GRIN2A: variants seen among roughly 807,000 people sequenced by gnomAD.
GRIN2A encodes glutamate receptor ionotropic, NMDA 2A.
A neutral mutation model predicts 113.4 loss-of-function variants in GRIN2A; 22 were observed. That is an observed-to-expected ratio of 0.19 (90% CI 0.14 to 0.28). The LOEUF (loss-of-function observed/expected upper bound fraction) is 0.28. GRIN2A is among the 10% of genes least tolerant of loss of function. The pLI is 1.00. For missense variants in GRIN2A, 1,502 were observed against 1,887.0 expected (o/e 0.80, Z 3.78); for synonymous variants, 827 against 738.4 (o/e 1.12, Z -1.94).
At chr16:9,781,552 G>T (rs1901936455) in intron 11 of GRIN2A, among the ~76,000 whole-genome samples, 1 of 151,944 alleles carries the variant, frequency 6.6e-6, no homozygotes, top group South Asian at 2.1e-4. Flanking sequence ...GTAGAGATGG[G>T]GTCTCACCAT....
intron 3 of GRIN2A, chr16:9,937,711 G>A (rs907351817): frequency 7.6e-6 from 4 of 529,610 alleles, no homozygotes; most frequent in Non-Finnish European, 1.4e-5. Context: ...TCAATCCCAG[G>A]TGTAGGTTTC....
chr16:9,795,433 A>G (rs1902920097), intron 11 of GRIN2A, among the ~76,000 whole-genome samples: 1 of 152,214 alleles, frequency 6.6e-6, no homozygotes, highest in South Asian at 2.1e-4. Context: ...CATATCATCA[A>G]GAAATAACCC....
At chr16:10,064,985 C>G (rs7192622) in intron 2 of GRIN2A, among the ~76,000 whole-genome samples, 21,276 of 152,108 alleles carry the variant, frequency 0.14, 2,064 homozygotes, top group African/African-American at 0.27. Context: ...TACACCGTAA[C>G]GTGGAGAATC....
chr16:10,130,477 G>C (rs1343019845), intron 2 of GRIN2A, among the ~76,000 whole-genome samples: 2 of 152,334 alleles, frequency 1.3e-5, no homozygotes, highest in South Asian at 4.1e-4. Flanking sequence ...AGGCAGATGG[G>C]TCAGGCTGCT....
chr16:10,164,936 G>C (rs138360307), intron 2 of GRIN2A, among the ~76,000 whole-genome samples: 7 of 152,224 alleles, frequency 4.6e-5, no homozygotes, highest in African/African-American at 1.2e-4. Flanking sequence ...CCAGAGTTAA[G>C]TGACAGAGAT....
intron 2 of GRIN2A, among the ~76,000 whole-genome samples, chr16:10,010,106 C>T (rs911962515): frequency 6.6e-6 from 1 of 152,260 alleles, no homozygotes; most frequent in Non-Finnish European, 1.5e-5. Flanking sequence ...CTCCCTAGTA[C>T]TGTGCCCTCA....
chr16:9,799,622 T>C (rs1345388332), intron 10 of GRIN2A, among the ~76,000 whole-genome samples: 20 of 152,208 alleles, frequency 1.3e-4, no homozygotes. Context: ...GGAAAACAGA[T>C]GGGTCCACGG....
At chr16:10,012,587 A>G (rs1486349018) in intron 2 of GRIN2A, among the ~76,000 whole-genome samples, 1 of 152,222 alleles carries the variant, frequency 6.6e-6, no homozygotes, top group Non-Finnish European at 1.5e-5. Context: ...TAATCCCTGG[A>G]ACCTGTGAAT....
intron 2 of GRIN2A, among the ~76,000 whole-genome samples, chr16:9,977,628 C>T (rs966801212): frequency 1.3e-5 from 2 of 152,140 alleles, no homozygotes; most frequent in African/African-American, 4.8e-5. Flanking sequence ...AACCACAGCA[C>T]ACGTTCAGGC....
At chr16:10,032,334 C>T (rs118058591) in intron 2 of GRIN2A, among the ~76,000 whole-genome samples, 1 of 152,304 alleles carries the variant, frequency 6.6e-6, no homozygotes, top group Non-Finnish European at 1.5e-5. Context: ...ACAATTGGCG[C>T]ACACTGTACA....
At chr16:9,973,618 C>T (rs543890727) in intron 2 of GRIN2A, among the ~76,000 whole-genome samples, 43 of 152,174 alleles carry the variant, frequency 2.8e-4, no homozygotes, top group African/African-American at 1.0e-3. Flanking sequence ...CCATGCTAGG[C>T]ACATCACAGT....
Position 9,858,606 on chromosome 16 carries a change from G to A in GRIN2A, c.1123-8645C>T, listed in dbSNP as rs559686939. Among the ~76,000 whole-genome samples the A allele has an allele frequency of 5.9e-4, 90 of 152,218 alleles. 1 individual carries two copies. The South Asian group carries it at 0.016, about 26-fold the overall frequency. ...TTTTGCTAAAAGAAATATAAAAAGG[G>A]TAGATTAACTTTGTAATGATGTTTA... On this transcript the variant is annotated intron_variant, in intron 4 of 12. Coordinates refer to ENST00000330684, the MANE Select transcript of GRIN2A (RefSeq NM_001134407.3).
intron 2 of GRIN2A, among the ~76,000 whole-genome samples, chr16:10,002,515 T>A (rs1049940032): frequency 1.3e-5 from 2 of 152,206 alleles, no homozygotes; most frequent in Non-Finnish European, 2.9e-5. Context: ...GAAGTCAGTG[T>A]AGTCATCTAT....
chr16:10,046,441 G>A (rs981983826), intron 2 of GRIN2A, among the ~76,000 whole-genome samples: 78 of 151,558 alleles, frequency 5.1e-4, no homozygotes, highest in Admixed American at 1.3e-3. Context: ...CATTACTGAC[G>A]GCATAAATTT....
intron 2 of GRIN2A, among the ~76,000 whole-genome samples, chr16:10,017,609 G>A (rs1177093592): frequency 2.6e-5 from 4 of 152,082 alleles, no homozygotes; most frequent in African/African-American, 9.7e-5. Context: ...TTGTACAAAA[G>A]AACAAGCATA....
At chr16:10,044,009 A>G (rs112073046) in intron 2 of GRIN2A, among the ~76,000 whole-genome samples, 36 of 105,430 alleles carry the variant, frequency 3.4e-4, no homozygotes, top group South Asian at 1.5e-3. Flanking sequence ...GTGTGTGTGT[A>G]TATATATATA....
chr16:9,774,473 A>G (rs1404081534), intron 11 of GRIN2A, among the ~76,000 whole-genome samples: 1 of 152,160 alleles, frequency 6.6e-6, no homozygotes, highest in Non-Finnish European at 1.5e-5. Flanking sequence ...CTCTTTGATC[A>G]TGGTCCAGGT....
intron 2 of GRIN2A, 28 bp downstream of exon 2, chr16:10,179,970 C>G (rs574402070): frequency 6.2e-7 from 1 of 1,606,834 alleles, no homozygotes; most frequent in African/African-American, 1.3e-5. Context: ...TTCCCAGGTC[C>G]TGGCAGGGCA....
At chr16:9,786,701 G>A (rs1025826613) in intron 11 of GRIN2A, among the ~76,000 whole-genome samples, 4 of 152,070 alleles carry the variant, frequency 2.6e-5, no homozygotes, top group South Asian at 2.1e-4. Flanking sequence ...AGATCCTGGC[G>A]CCCTCCTGCA....
Sources: gnomAD v4.1 joint callset for allele counts (sites outside exome capture counted in the v4.1 genomes callset) on GRCh38, gnomAD v4.1.1 for gene constraint, MANE v1.5 for transcripts, NCBI Gene and HGNC (gene_info 2026-07-23, HGNC 2026-07-21) for gene names.